The following MOSPD2 variants were observed in gnomAD, a reference collection of about 807,000 sequenced individuals.
MOSPD2 encodes the protein motile sperm domain-containing protein 2.
Under a neutral mutation model 41.7 loss-of-function variants are expected in MOSPD2, and 5 were observed. The observed-to-expected ratio is 0.12, with a 90% CI of 0.06 to 0.25. The LOEUF (loss-of-function observed/expected upper bound fraction) is 0.25, where lower values mean the gene tolerates loss of function less well. MOSPD2 is among the 10% of genes least tolerant of loss of function. MOSPD2 has a pLI of 1.00. For synonymous variants in MOSPD2, 115 were observed against 126.9 expected (o/e 0.91, Z 0.63); for missense variants, 282 against 375.2 (o/e 0.75, Z 2.05).
intron 9 of MOSPD2, 21 bp from the exon 10 acceptor site, chrX:14,912,227 TA>T: frequency 9.8e-7 from 1 of 1,020,689 alleles, no homozygotes; most frequent in Non-Finnish European, 1.3e-6. Flanking sequence ...GCTAAATAGT[TA>T]TCCTTTTTTT....
chrX:14,888,216 A>G (rs962741006), intron 2 of MOSPD2, among the ~76,000 whole-genome samples: 8 of 91,589 alleles, frequency 8.7e-5, no homozygotes, highest in African/African-American at 3.6e-4. Flanking sequence ...GCACACACAC[A>G]CACACACACA....
At position 14,874,141 on chromosome X, in the gene MOSPD2, C is replaced by T. The variant is rs1602018240; in HGVS notation, c.79+383C>T. ...AATGTACCTGGAAACTGCCATAATA[C>T]TATTGATGTGTACTTAATTGGGTAT... On this transcript the variant is annotated intron_variant, in intron 2 of 14. Transcript: ENST00000380492. 19 of 201,798 alleles carry T rather than the reference C, an allele frequency of 9.4e-5. 1 individual carries two copies. The South Asian group carries it at 1.9e-3, about 20-fold the overall frequency. The allele number at this position is 201,798 out of a possible 1,213,427, so 16.6% of individuals were successfully genotyped here.
At chrX:14,895,552 TA>T (rs1229959240) in intron 4 of MOSPD2, among the ~76,000 whole-genome samples, 158 bp downstream of exon 4, 2 of 111,983 alleles carry the variant, frequency 1.8e-5, no homozygotes, top group African/African-American at 6.5e-5. Context: ...GAGTGTTAGA[TA>T]CTTAGTAGCT....
At chrX:14,887,206 C>T (rs1222369551) in intron 2 of MOSPD2, among the ~76,000 whole-genome samples, 2 of 111,982 alleles carry the variant, frequency 1.8e-5, no homozygotes, top group Non-Finnish European at 3.8e-5. Context: ...CTCTAGTTTT[C>T]GTTATTAGAA....
chrX:14,909,035 G>A, intron 8 of MOSPD2, 51 bp downstream of exon 8: 1 of 981,169 alleles, frequency 1.0e-6, no homozygotes. Context: ...TGGCACATTA[G>A]GCTGTATACT....
In MOSPD2 at chrX:14,900,082, A is replaced by G. The variant is rs750903116; in HGVS notation, c.478-493A>G. Among the ~76,000 whole-genome samples the G allele has an allele frequency of 8.9e-5, 10 of 112,325 alleles. No homozygotes were observed. The East Asian group carries it at 2.8e-3, about 31-fold the overall frequency. On this transcript the variant is annotated intron_variant, in intron 5 of 14. Transcript: ENST00000380492. Reference sequence around the variant, plus strand: ...ATTAGATTAAGTATTGTGTTTAAAAAAGGTTGATAAAATATATTTTATTGA... The same window carrying G: ...ATTAGATTAAGTATTGTGTTTAAAAGAGGTTGATAAAATATATTTTATTGA...
chrX:14,873,785 A>G, intron 2 of MOSPD2, 27 bp downstream of exon 2: 1 of 1,144,381 alleles, frequency 8.7e-7, no homozygotes, highest in East Asian at 3.0e-5. Context: ...AGGTATTAAG[A>G]AAGGTGTGCA....
rs1238308237 is a variant in MOSPD2 at position 14,921,645 on chromosome X, T to G, written c.*1836T>G. On this transcript the variant is annotated 3_prime_UTR_variant, in exon 15 of 15. Coordinates refer to ENST00000380492, the MANE Select transcript of MOSPD2 (RefSeq NM_152581.4). The stretch of plus-strand genomic sequence containing the variant: ...TGTTGACCCACTAAAATATCCTTGC[T>G]CAATGTCTGGTCAGTTGAATTTAAT... 2 of 245,323 alleles carry G rather than the reference T, an allele frequency of 8.2e-6. No individual in the cohort carries two copies. The highest frequency in any genetic ancestry group is 1.4e-5 in the Non-Finnish European group (2 of 138,287). 20.2% of individuals were successfully genotyped at this position (245,323 alleles called of 1,213,427 possible). A position where few individuals can be genotyped will look rare whatever the true frequency, so the allele number is the denominator to read the frequency against.
Position 14,920,021 on chromosome X carries a change from A to G in MOSPD2, c.*212A>G. 1 of 899,024 alleles carries G rather than the reference A, an allele frequency of 1.1e-6. No homozygotes were observed. The highest frequency in any genetic ancestry group is 1.4e-6 in the Non-Finnish European group (1 of 725,183). The allele number at this position is 899,024 out of a possible 1,213,427, so 74.1% of individuals were successfully genotyped here. A position where few individuals can be genotyped will look rare whatever the true frequency, so the allele number is the denominator to read the frequency against. On this transcript the variant is annotated 3_prime_UTR_variant, in exon 15 of 15. Coordinates refer to ENST00000380492, the MANE Select transcript of MOSPD2 (RefSeq NM_152581.4). ...AAATTGATTATAAGAGACTATAGCT[A>G]TTTAGTAAAGTAAGTAAAGGCATAT...
intron 2 of MOSPD2, among the ~76,000 whole-genome samples, chrX:14,881,434 A>G (rs1448798988): frequency 1.8e-5 from 2 of 111,248 alleles, no homozygotes; most frequent in Admixed American, 9.5e-5. Flanking sequence ...TATAACAGGG[A>G]TTGTCCTTAT....
At chrX:14,892,109 G>A (rs145172778) in intron 2 of MOSPD2, among the ~76,000 whole-genome samples, 437 of 111,521 alleles carry the variant, frequency 3.9e-3, no homozygotes, top group Non-Finnish European at 6.3e-3. Context: ...TTTAGATAAC[G>A]CATTCTCCTC....
intron 2 of MOSPD2, among the ~76,000 whole-genome samples, chrX:14,882,366 GA>G (rs761407491): frequency 3.3e-4 from 37 of 111,301 alleles, no homozygotes; most frequent in Admixed American, 3.2e-3. Context: ...GGAGATTCAA[GA>G]GATATGAGTC....
intron 7 of MOSPD2, among the ~76,000 whole-genome samples, chrX:14,907,133 T>C (rs775357032): frequency 6.2e-5 from 7 of 112,585 alleles, no homozygotes; most frequent in African/African-American, 1.3e-4. Context: ...TGAGCATCAG[T>C]AGTCATTAGA....
intron 2 of MOSPD2, among the ~76,000 whole-genome samples, chrX:14,880,054 T>C (rs1303397373): frequency 9.0e-6 from 1 of 110,499 alleles, no homozygotes; most frequent in African/African-American, 3.3e-5. Context: ...AAACCACTTT[T>C]GTTGGGATTT....
chrX:14,873,480 G>A lies in MOSPD2; in HGVS notation c.-49G>A, dbSNP rs775941431. The A allele has an allele frequency of 4.1e-6, 5 of 1,211,369 alleles. No homozygotes were observed. Among genetic ancestry groups the A allele is most frequent in the Non-Finnish European group, 3.4e-6 (3 of 894,971 alleles). On this transcript the variant is annotated 5_prime_UTR_variant, in exon 1 of 15. Coordinates refer to ENST00000380492, the MANE Select transcript of MOSPD2 (RefSeq NM_152581.4). ...GGTGATGAGATACTCGGTCGGCGAC[G>A]GTAGAACGGGCGACGGCGACAACCG...
Position 14,892,849 on chromosome X carries a change from T to A in MOSPD2, c.206T>A (p.Phe69Tyr), listed in dbSNP as rs2092556507. Residue 69 changes from phenylalanine to tyrosine, a missense_variant, in exon 3 of 15, where the codon TTT (phenylalanine) becomes TAT (tyrosine). By Grantham distance (22) the Phe-to-Tyr change is conservative. Around this residue, in one of 3 missense-constraint regions of MOSPD2, gnomAD observed 187 missense variants for 256.6 expected, o/e 0.73. Coordinates refer to ENST00000380492, the MANE Select transcript of MOSPD2 (RefSeq NM_152581.4). ...ACACTGAAGATGCTCGATGAGAGTT[T>A]TCAGTGGAGGAAAGAAATTTCTGTC... ...DETLKMLDES[F>Y]QWRKEISVND... is the part of the protein sequence containing the mutation. The A allele has an allele frequency of 8.3e-7, 1 of 1,206,200 alleles. No homozygotes were observed. Among genetic ancestry groups the A allele is most frequent in the Non-Finnish European group, 1.1e-6 (1 of 892,351 alleles).
At chrX:14,891,194 C>T (rs760919906) in intron 2 of MOSPD2, among the ~76,000 whole-genome samples, 1 of 112,256 alleles carries the variant, frequency 8.9e-6, no homozygotes, top group African/African-American at 3.2e-5. Flanking sequence ...CAACCTAATA[C>T]TTCTGGACTC....
chrX:14,907,328 C>T (rs2092584070), intron 7 of MOSPD2, among the ~76,000 whole-genome samples: 1 of 112,040 alleles, frequency 8.9e-6, no homozygotes, highest in Non-Finnish European at 1.9e-5. Context: ...CATAGAATTA[C>T]CATATGACCC....
Position 14,920,660 on chromosome X carries a change from C to A in MOSPD2, c.*851C>A, listed in dbSNP as rs977902847. 1.3e-6 allele frequency: 1 copy of A among 751,696 alleles called. No individual in the cohort carries two copies. The highest frequency in any genetic ancestry group is 2.3e-5 in the African/African-American group (1 of 42,992). 61.9% of individuals were successfully genotyped at this position (751,696 alleles called of 1,213,427 possible). A position where few individuals can be genotyped will look rare whatever the true frequency, so the allele number is the denominator to read the frequency against. Reference sequence around the variant, plus strand: ...CTGACCCTCTATTGTCCCATCTTCACCCCCATTCCAGAGCAGAGGAGTCTC... The same window carrying A: ...CTGACCCTCTATTGTCCCATCTTCAACCCCATTCCAGAGCAGAGGAGTCTC... On this transcript the variant is annotated 3_prime_UTR_variant, in exon 15 of 15. Coordinates refer to ENST00000380492, the MANE Select transcript of MOSPD2 (RefSeq NM_152581.4).
Sources: gnomAD v4.1 joint callset for allele counts (sites outside exome capture counted in the v4.1 genomes callset) on GRCh38, gnomAD v4.1.1 for gene constraint, gnomAD v4.1.1 regional missense constraint, MANE v1.5 for transcripts, NCBI Gene and HGNC (gene_info 2026-07-23, HGNC 2026-07-21) for gene names.